The following FAT3 variants were observed in gnomAD, a reference collection of about 807,000 sequenced individuals.
The protein encoded by FAT3 is FAT atypical cadherin 3.
FAT3 carries 95 observed loss-of-function variants against 310.2 expected under a neutral mutation model. The observed-to-expected ratio is 0.31, with a 90% CI of 0.26 to 0.36. The LOEUF (loss-of-function observed/expected upper bound fraction) is 0.36, where lower values mean the gene tolerates loss of function less well. FAT3 is among the 10% of genes least tolerant of loss of function. The pLI is 1.00. For missense variants in FAT3, 5,408 were observed against 5,715.6 expected, an observed-to-expected ratio of 0.95 and a Z score of 1.74; for synonymous variants, 2,314 against 2,192.9, an observed-to-expected ratio of 1.06 and a Z score of -1.54.
intron 1 of FAT3, chr11:92,336,005 G>C (rs1054486889): frequency 2.1e-6 from 1 of 466,086 alleles, no homozygotes; most frequent in Admixed American, 2.4e-5. Flanking sequence ...GGAAGGTGGT[G>C]CTTCTTGAGC....
chr11:92,626,613 T>C (rs1941350279), intron 3 of FAT3, among the ~76,000 whole-genome samples: 2 of 152,062 alleles, frequency 1.3e-5, no homozygotes, highest in Admixed American at 6.5e-5. Context: ...GACACTCAAG[T>C]GTATCCAGAA....
intron 3 of FAT3, among the ~76,000 whole-genome samples, chr11:92,589,446 A>G (rs942283251): frequency 6.6e-6 from 1 of 152,100 alleles, no homozygotes; most frequent in Admixed American, 6.6e-5. Flanking sequence ...CACTCCATAT[A>G]TATGTGTTGA....
chr11:92,412,745 A>AC (rs1555038625), intron 2 of FAT3, among the ~76,000 whole-genome samples: 1,175 of 47,986 alleles, frequency 0.024, 274 homozygotes, highest in Non-Finnish European at 0.033. Context: ...ATATATATAT[A>AC]AATATACATA....
chr11:92,790,659 T>C (rs1565595552), intron 8 of FAT3, among the ~76,000 whole-genome samples: 1 of 152,210 alleles, frequency 6.6e-6, no homozygotes. Context: ...TATTATTTAT[T>C]GTACTGGCAC....
intron 2 of FAT3, among the ~76,000 whole-genome samples, chr11:92,373,785 CACACACACACACACACACACACACAG>C (rs1949262773): frequency 7.1e-6 from 1 of 140,516 alleles, no homozygotes; most frequent in Non-Finnish European, 1.5e-5. Flanking sequence ...CACACACACA[CACACACACACACACACACACACACAG>C]AGACATAGAT....
intron 1 of FAT3, among the ~76,000 whole-genome samples, chr11:92,240,189 T>C (rs1226914815): frequency 1.3e-5 from 2 of 150,116 alleles, no homozygotes; most frequent in Non-Finnish European, 3.0e-5. Context: ...GGAGGTTTTT[T>C]AGTTTTACAT....
chr11:92,505,717 A>G (rs2135288703), intron 2 of FAT3, among the ~76,000 whole-genome samples: 1 of 152,246 alleles, frequency 6.6e-6, no homozygotes, highest in Middle Eastern at 3.4e-3. Flanking sequence ...ATCACCACAT[A>G]TAGGACATTG....
At chr11:92,577,227 G>A (rs1938530317) in intron 3 of FAT3, among the ~76,000 whole-genome samples, 1 of 151,852 alleles carries the variant, frequency 6.6e-6, no homozygotes, top group South Asian at 2.1e-4. Context: ...TCCCATCTCA[G>A]CCTCCTGAGT....
At chr11:92,401,118 T>C (rs549663206) in intron 2 of FAT3, among the ~76,000 whole-genome samples, 1 of 152,274 alleles carries the variant, frequency 6.6e-6, no homozygotes, top group East Asian at 1.9e-4. Context: ...TGAGATTTGG[T>C]TACCTGGAGC....
chr11:92,879,801 A>G (rs1322447308), intron 22 of FAT3, among the ~76,000 whole-genome samples: 4 of 152,194 alleles, frequency 2.6e-5, no homozygotes, highest in African/African-American at 9.7e-5. Flanking sequence ...AATACTATGG[A>G]AGGAAATATT....
intron 2 of FAT3, among the ~76,000 whole-genome samples, chr11:92,427,513 T>G (rs1048815198): frequency 6.6e-6 from 1 of 151,988 alleles, no homozygotes; most frequent in Non-Finnish European, 1.5e-5. Context: ...ATTTGTTTTA[T>G]ATGGCTCTTA....
chr11:92,366,683 A>G, intron 2 of FAT3: 1 of 535,680 alleles, frequency 1.9e-6, no homozygotes. Context: ...AATGGTTGGA[A>G]GGCTGTTTCC....
At chr11:92,638,010 G>A (rs1378275649) in intron 3 of FAT3, among the ~76,000 whole-genome samples, 1 of 152,136 alleles carries the variant, frequency 6.6e-6, no homozygotes, top group East Asian at 1.9e-4. Context: ...GGTTTGGGAG[G>A]TCCATGTACT....
intron 2 of FAT3, among the ~76,000 whole-genome samples, chr11:92,437,488 T>C (rs1323433270): frequency 1.3e-5 from 2 of 152,206 alleles, no homozygotes; most frequent in Non-Finnish European, 2.9e-5. Context: ...CAATCTAGTT[T>C]ATAGAGCTAT....
chr11:92,281,001 AAT>A (rs1173953613), intron 1 of FAT3, among the ~76,000 whole-genome samples: 5 of 152,190 alleles, frequency 3.3e-5, no homozygotes, highest in African/African-American at 1.2e-4. Flanking sequence ...ATTTATTGCA[AAT>A]ATGTTTATTG....
At chr11:92,367,139 C>T (rs1949046397) in intron 2 of FAT3, 1 of 404,854 alleles carries the variant, frequency 2.5e-6, no homozygotes, top group South Asian at 2.1e-5. Flanking sequence ...TAGCACTTTG[C>T]CTTCTCGTGG....
At chr11:92,388,850 C>T (rs1306492536) in intron 2 of FAT3, among the ~76,000 whole-genome samples, 4 of 152,158 alleles carry the variant, frequency 2.6e-5, no homozygotes, top group Non-Finnish European at 1.5e-5. Context: ...GCTTGTCTGT[C>T]TTGTTTGGAC....
intron 3 of FAT3, among the ~76,000 whole-genome samples, chr11:92,553,440 CT>C (rs1954889024): frequency 6.6e-6 from 1 of 152,170 alleles, no homozygotes; most frequent in Admixed American, 6.5e-5. Flanking sequence ...AGGGCTGTTT[CT>C]TCCAGAAAGA....
At chr11:92,788,977 A>G (rs1946969314) in intron 7 of FAT3, among the ~76,000 whole-genome samples, 1 of 152,218 alleles carries the variant, frequency 6.6e-6, no homozygotes, top group African/African-American at 2.4e-5. Flanking sequence ...CCTTATTTGC[A>G]TATCTTGGTT....
Sources: allele counts gnomAD v4.1 joint callset (sites outside exome capture counted in the v4.1 genomes callset), GRCh38; gene constraint gnomAD v4.1.1; transcripts MANE v1.5; gene names NCBI Gene and HGNC (gene_info 2026-07-23, HGNC 2026-07-21).